The following TSHZ2 variants were observed in gnomAD, a reference collection of about 807,000 sequenced individuals.
TSHZ2 encodes teashirt homolog 2.
TSHZ2 carries 21 observed loss-of-function variants against 74.4 expected under a neutral mutation model. The observed-to-expected ratio is 0.28, with a 90% CI of 0.20 to 0.41. The LOEUF (loss-of-function observed/expected upper bound fraction) is 0.41. Among genes scored for constraint, TSHZ2 ranks in the 10% least tolerant of loss-of-function variants. TSHZ2 has a pLI of 1.00. For synonymous variants in TSHZ2, 540 were observed against 515.3 expected (o/e 1.05, Z -0.65); for missense variants, 1,244 against 1,293.5 (o/e 0.96, Z 0.59).
intron 2 of TSHZ2, among the ~76,000 whole-genome samples, chr20:53,440,138 G>T (rs139012070): frequency 1.3e-5 from 2 of 152,096 alleles, no homozygotes; most frequent in East Asian, 3.9e-4. Flanking sequence ...GATCACTGAC[G>T]ATTTGGAAAT....
At chr20:52,978,531 C>T (rs539309332) in intron 1 of TSHZ2, among the ~76,000 whole-genome samples, 1 of 152,052 alleles carries the variant, frequency 6.6e-6, no homozygotes, top group African/African-American at 2.4e-5. Flanking sequence ...CAGAAATTGC[C>T]GAACAAATTC....
chr20:53,097,991 T>A (rs1986103809), intron 1 of TSHZ2: 2 of 152,232 alleles, frequency 1.3e-5, no homozygotes, highest in South Asian at 2.1e-4. Context: ...GCTGATGATG[T>A]GGATGTGTAC....
At chr20:53,149,494 CA>C (rs1987625253) in intron 1 of TSHZ2, among the ~76,000 whole-genome samples, 1 of 152,090 alleles carries the variant, frequency 6.6e-6, no homozygotes, top group African/African-American at 2.4e-5. Flanking sequence ...GAGTTTCTGC[CA>C]GGGGCATTTA....
At chr20:52,982,072 G>C (rs1981587884) in intron 1 of TSHZ2, among the ~76,000 whole-genome samples, 1 of 152,216 alleles carries the variant, frequency 6.6e-6, no homozygotes, top group African/African-American at 2.4e-5. Context: ...AAAATTATGA[G>C]AGCAGGAGTT....
chr20:53,463,435 G>GAAGA (rs11283137), intron 2 of TSHZ2, among the ~76,000 whole-genome samples: 8,144 of 114,190 alleles, frequency 0.071, 982 homozygotes, highest in African/African-American at 0.14. Flanking sequence ...AGGAAGGAAG[G>GAAGA]AGGGAGGGAG....
At chr20:52,997,421 T>C (rs943514561) in intron 1 of TSHZ2, among the ~76,000 whole-genome samples, 8 of 152,200 alleles carry the variant, frequency 5.3e-5, no homozygotes, top group Admixed American at 5.2e-4. Context: ...AACAAAAGCA[T>C]ACCAGTCCCT....
chr20:53,453,613 C>G (rs1416636045), intron 2 of TSHZ2, among the ~76,000 whole-genome samples: 1 of 152,166 alleles, frequency 6.6e-6, no homozygotes, highest in Non-Finnish European at 1.5e-5. Context: ...GGAAAAGCCA[C>G]TTATGTGATA....
chr20:53,360,653 G>A (rs6091665), intron 2 of TSHZ2, among the ~76,000 whole-genome samples: 2,226 of 152,270 alleles, frequency 0.015, 48 homozygotes, highest in African/African-American at 0.049. Flanking sequence ...TGTGCTAAGC[G>A]TTTATGGGGA....
intron 1 of TSHZ2, among the ~76,000 whole-genome samples, chr20:53,177,207 C>T (rs1221241982): frequency 6.6e-6 from 1 of 152,156 alleles, no homozygotes; most frequent in East Asian, 1.9e-4. Context: ...TTGTAACCTA[C>T]CTGCCTTACC....
At chr20:53,400,836 G>T (rs1459616676) in intron 2 of TSHZ2, among the ~76,000 whole-genome samples, 1 of 152,174 alleles carries the variant, frequency 6.6e-6, no homozygotes, top group South Asian at 2.1e-4. Flanking sequence ...AGAGGAGGGT[G>T]CTCTCCCAGA....
chr20:53,253,315 A>C (rs1176839285), intron 1 of TSHZ2, among the ~76,000 whole-genome samples, 184 bp from the exon 2 acceptor site: 2 of 151,968 alleles, frequency 1.3e-5, no homozygotes, highest in Non-Finnish European at 2.9e-5. Context: ...AAAAAAAAAA[A>C]AAAAACACTA....
In TSHZ2 at chr20:53,491,830, T is replaced by C. The variant is rs1986455561; in HGVS notation, c.*4695T>C. ...CAAGTAAAATGGCTCTTCCAAGGAA[T>C]GACACCTTTACTTGACACCCTTCGG... On this transcript the variant is annotated 3_prime_UTR_variant, in exon 3 of 3. Coordinates refer to ENST00000371497, the MANE Select transcript of TSHZ2 (RefSeq NM_173485.6). 2 of 152,324 alleles carry C rather than the reference T, an allele frequency of 1.3e-5. No individual in the cohort carries two copies. The highest frequency in any genetic ancestry group is 4.1e-4 in the South Asian group (2 of 4,824). The allele number at this position is 152,324 out of a possible 1,614,324, so 9.4% of individuals were successfully genotyped here. A position where few individuals can be genotyped will look rare whatever the true frequency, so the allele number is the denominator to read the frequency against.
At chr20:53,176,690 CTTTT>C (rs1205063066) in intron 1 of TSHZ2, among the ~76,000 whole-genome samples, 2 of 137,408 alleles carry the variant, frequency 1.5e-5, no homozygotes, top group Non-Finnish European at 1.6e-5. Flanking sequence ...TTGTTTCTTT[CTTTT>C]TTTTTTTTTT....
intron 2 of TSHZ2, among the ~76,000 whole-genome samples, chr20:53,459,478 T>C (rs2145807201): frequency 6.7e-6 from 1 of 149,172 alleles, no homozygotes; most frequent in African/African-American, 2.5e-5. Context: ...GTTTCCTGAA[T>C]ACAGCACACT....
At chr20:53,450,058 A>G (rs769098186) in intron 2 of TSHZ2, among the ~76,000 whole-genome samples, 2 of 152,256 alleles carry the variant, frequency 1.3e-5, no homozygotes, top group Admixed American at 1.3e-4. Context: ...GAAGAAATAC[A>G]TCAATGAATG....
intron 2 of TSHZ2, among the ~76,000 whole-genome samples, chr20:53,305,160 G>A (rs991843448): frequency 1.3e-5 from 2 of 151,186 alleles, no homozygotes; most frequent in African/African-American, 2.4e-5. Context: ...GGATGATCTC[G>A]GTCTCCTGAC....
At position 53,172,869 on chromosome 20, in the gene TSHZ2, G is replaced by A. The variant is rs1988234233; in HGVS notation, c.41-80630G>A. Among the ~76,000 whole-genome samples the A allele has an allele frequency of 3.3e-5, 5 of 152,332 alleles. No individual in the cohort carries two copies. In the South Asian group the frequency reaches 1.0e-3, roughly 32 times the overall value. ...CAAACTTGAGGGAATCACGAGAGTG[G>A]ACTCCACACAGCAGGTAGAGAGGAA... is the stretch of plus-strand genomic sequence containing the variant. On this transcript the variant is annotated intron_variant, in intron 1 of 2. Transcript: ENST00000371497.
chr20:53,017,382 C>G (rs1200865535), intron 1 of TSHZ2, among the ~76,000 whole-genome samples: 1 of 152,138 alleles, frequency 6.6e-6, no homozygotes, highest in Non-Finnish European at 1.5e-5. Context: ...TCTCAAAGTG[C>G]AGTGGATGTA....
intron 1 of TSHZ2, among the ~76,000 whole-genome samples, chr20:53,164,070 T>G (rs1988010674): frequency 6.6e-6 from 1 of 152,232 alleles, no homozygotes; most frequent in Admixed American, 6.5e-5. Context: ...ACAGGACATT[T>G]ACTTTGTTCT....
Sources: allele counts gnomAD v4.1 joint callset (sites outside exome capture counted in the v4.1 genomes callset), GRCh38; gene constraint gnomAD v4.1.1; transcripts MANE v1.5; gene names NCBI Gene and HGNC (gene_info 2026-07-23, HGNC 2026-07-21).